The following TIAM1 variants were observed in gnomAD, a reference collection of about 807,000 sequenced individuals.
The protein encoded by TIAM1 is TIAM Rac1 associated GEF 1.
Under a neutral mutation model 163.5 loss-of-function variants are expected in TIAM1, and 65 were observed. The ratio of observed to expected loss-of-function variants is 0.40; its 90% CI spans 0.33 to 0.49. The LOEUF is 0.49. Among genes scored for constraint, TIAM1 ranks in the 20% least tolerant of loss-of-function variants. TIAM1 has a pLI of 0.77. For synonymous variants in TIAM1, 833 were observed against 810.1 expected, an observed-to-expected ratio of 1.03 and a Z score of -0.48; for missense variants, 1,789 against 2,044.7, an observed-to-expected ratio of 0.87 and a Z score of 2.41.
intron 9 of TIAM1, among the ~76,000 whole-genome samples, chr21:31,215,200 GA>G (rs2087113270): frequency 6.6e-6 from 1 of 152,052 alleles, no homozygotes; most frequent in African/African-American, 2.4e-5. Context: ...GGTTTTGTTA[GA>G]AAACAAGTCC....
At chr21:31,249,456 C>T (rs1440526824) in intron 5 of TIAM1, among the ~76,000 whole-genome samples, 1 of 152,184 alleles carries the variant, frequency 6.6e-6, no homozygotes, top group Admixed American at 6.5e-5. Context: ...GGGCCTACCT[C>T]CAAATCTTGT....
At chr21:31,223,328 A>C (rs1352635370) in intron 8 of TIAM1, 78 bp downstream of exon 8, 20 of 1,458,380 alleles carry the variant, frequency 1.4e-5, no homozygotes, top group Non-Finnish European at 1.5e-5. Flanking sequence ...AAAAACACTT[A>C]GGAGACTCTT....
chr21:31,314,766 G>A (rs2075047457), intron 2 of TIAM1, among the ~76,000 whole-genome samples: 2 of 152,116 alleles, frequency 1.3e-5, no homozygotes, highest in Admixed American at 1.3e-4. Flanking sequence ...CTTGTAAAGG[G>A]TAGGGGTCAC....
intron 2 of TIAM1, among the ~76,000 whole-genome samples, chr21:31,459,824 A>G (rs970340758): frequency 6.6e-6 from 1 of 152,092 alleles, no homozygotes; most frequent in Admixed American, 6.6e-5. Context: ...TCTCTCTCAT[A>G]TTTTATTTGT....
intron 2 of TIAM1, among the ~76,000 whole-genome samples, chr21:31,383,267 T>A: frequency 6.6e-6 from 1 of 151,982 alleles, no homozygotes; most frequent in East Asian, 1.9e-4. Context: ...ACATAATAGT[T>A]CCATAAATTC....
At chr21:31,420,173 A>G (rs1451715882) in intron 2 of TIAM1, among the ~76,000 whole-genome samples, 1 of 152,256 alleles carries the variant, frequency 6.6e-6, no homozygotes, top group Non-Finnish European at 1.5e-5. Flanking sequence ...CTGAGAACCT[A>G]GCAAATGGGC....
intron 2 of TIAM1, among the ~76,000 whole-genome samples, chr21:31,356,333 A>G (rs1371938127): frequency 3.9e-5 from 6 of 152,186 alleles, no homozygotes; most frequent in Admixed American, 2.0e-4. Context: ...AAAGATACCA[A>G]TTGCCCGTAT....
chr21:31,353,643 G>C (rs984724486), intron 2 of TIAM1, among the ~76,000 whole-genome samples: 1 of 151,822 alleles, frequency 6.6e-6, no homozygotes, highest in Non-Finnish European at 1.5e-5. Context: ...ACTGAGGCAC[G>C]GAGAGGTTAA....
chr21:31,283,466 T>C (rs1055955427), intron 2 of TIAM1, among the ~76,000 whole-genome samples: 2 of 152,210 alleles, frequency 1.3e-5, no homozygotes, highest in African/African-American at 4.8e-5. Flanking sequence ...ACCATGAGAA[T>C]CATGTGCTTT....
intron 2 of TIAM1, among the ~76,000 whole-genome samples, chr21:31,285,471 C>A (rs1429411969): frequency 6.7e-6 from 1 of 150,042 alleles, no homozygotes; most frequent in Non-Finnish European, 1.5e-5. Context: ...AAGAATCACT[C>A]CCCCCATGGA....
chr21:31,489,680 A>G (rs1212509678), intron 1 of TIAM1, among the ~76,000 whole-genome samples: 2 of 8,968 alleles, frequency 2.2e-4, no homozygotes, highest in Non-Finnish European at 4.1e-4. Context: ...CGCTCACAGC[A>G]CACCTGTAAG....
Position 31,176,869 on chromosome 21 carries a change from ACCCCAT to A in TIAM1, c.2887+5546_2887+5551del, listed in dbSNP as rs140715675. ...ACCACCGGAACAAATGCAGACCCAG[ACCCCAT>A]CCCACACTAGGTGACTCATGAGCTC... On this transcript the variant is annotated intron_variant, in intron 15 of 27. Coordinates refer to ENST00000541036, the MANE Select transcript of TIAM1 (RefSeq NM_001353694.2). Among the ~76,000 whole-genome samples the A allele has an allele frequency of 2.0e-5, 3 of 152,066 alleles. No individual in the cohort carries two copies. In the East Asian group the frequency reaches 5.8e-4, roughly 29 times the overall value.
At chr21:31,200,552 G>A (rs564893416) in intron 12 of TIAM1, among the ~76,000 whole-genome samples, 178 of 152,214 alleles carry the variant, frequency 1.2e-3, no homozygotes, top group Middle Eastern at 6.8e-3. Flanking sequence ...TCAGAACAGT[G>A]GTAGCTATTA....
At chr21:31,254,010 A>G (rs1370082190) in intron 4 of TIAM1, among the ~76,000 whole-genome samples, 4 of 152,226 alleles carry the variant, frequency 2.6e-5, no homozygotes, top group Non-Finnish European at 5.9e-5. Flanking sequence ...AAACTTTTGG[A>G]TTCATTTTCA....
At chr21:31,134,250 C>A (rs1197841603) in intron 23 of TIAM1, among the ~76,000 whole-genome samples, 1 of 152,038 alleles carries the variant, frequency 6.6e-6, no homozygotes, top group African/African-American at 2.4e-5. Flanking sequence ...GTCTGTAGTC[C>A]CACATCACTG....
intron 2 of TIAM1, among the ~76,000 whole-genome samples, chr21:31,454,522 C>G (rs2045011822): frequency 6.6e-6 from 1 of 152,156 alleles, no homozygotes; most frequent in African/African-American, 2.4e-5. Flanking sequence ...CATGATGTCA[C>G]TGAGTGGGGT....
intron 4 of TIAM1, among the ~76,000 whole-genome samples, chr21:31,265,216 T>A (rs1228283675): frequency 1.3e-5 from 2 of 149,956 alleles, no homozygotes; most frequent in Non-Finnish European, 3.0e-5. Context: ...TTTTTTTTTT[T>A]TTTTTTTGAG....
At chr21:31,367,839 T>C (rs530982975) in intron 2 of TIAM1, among the ~76,000 whole-genome samples, 26 of 152,372 alleles carry the variant, frequency 1.7e-4, no homozygotes, top group African/African-American at 6.3e-4. Flanking sequence ...TATAATATTT[T>C]AACTTCAAAT....
At position 31,395,514 on chromosome 21, in the gene TIAM1, G is replaced by A. The variant is rs1445616965; in HGVS notation, c.-368-56092C>T. The stretch of plus-strand genomic sequence containing the variant: ...CTAAACACAGCCAATCACCAGATAC[G>A]CCACAGAGGCGAAGAGAAGGGCCAA... On this transcript the variant is annotated intron_variant, in intron 2 of 28. Coordinates refer to the TIAM1 transcript ENST00000286827. The surrounding 1 kb of genome is among the most constrained non-coding windows in gnomAD (Gnocchi z 7.5). 6.6e-6 allele frequency among the ~76,000 whole-genome samples: 1 copy of A among 152,154 alleles called. No homozygotes were observed. Among genetic ancestry groups the A allele is most frequent in the African/African-American group, 2.4e-5 (1 of 41,432 alleles).
Sources: gnomAD v4.1 joint callset for allele counts (sites outside exome capture counted in the v4.1 genomes callset) on GRCh38, gnomAD v4.1.1 for gene constraint, Gnocchi (gnomAD v3.1) non-coding constraint, MANE v1.5 for transcripts, NCBI Gene and HGNC (gene_info 2026-07-23, HGNC 2026-07-21) for gene names.